The following KCNQ3 variants were observed in gnomAD, a reference collection of about 807,000 sequenced individuals.
KCNQ3 encodes the protein potassium voltage-gated channel subfamily Q member 3, also known as potassium voltage-gated channel subfamily KQT member 3.
A neutral mutation model predicts 92.5 loss-of-function variants in KCNQ3; 30 were observed. That is an observed-to-expected ratio of 0.32 (90% CI 0.24 to 0.44). The LOEUF (loss-of-function observed/expected upper bound fraction) is 0.44. Ranked by LOEUF, KCNQ3 falls within the 20% of genes least tolerant of loss-of-function variation. The pLI, the probability that KCNQ3 is intolerant of heterozygous loss-of-function variation, is 1.00. For synonymous variants in KCNQ3, 450 were observed against 468.8 expected (o/e 0.96, Z 0.52); for missense variants, 913 against 1,140.3 (o/e 0.80, Z 2.87).
At chr8:132,369,245 T>C (rs549909516) in intron 1 of KCNQ3, among the ~76,000 whole-genome samples, 2 of 152,340 alleles carry the variant, frequency 1.3e-5, no homozygotes, top group South Asian at 2.1e-4. Context: ...CTTAGGTTTC[T>C]GTATATGAAG....
intron 1 of KCNQ3, among the ~76,000 whole-genome samples, chr8:132,293,000 A>C (rs1006327193): frequency 6.6e-6 from 1 of 152,150 alleles, no homozygotes; most frequent in Non-Finnish European, 1.5e-5. Context: ...ATCATGCCTA[A>C]GTAATGAAGC....
At chr8:132,458,680 C>A (rs1277378296) in intron 1 of KCNQ3, among the ~76,000 whole-genome samples, 1 of 152,198 alleles carries the variant, frequency 6.6e-6, no homozygotes, top group African/African-American at 2.4e-5. Flanking sequence ...GTCTCGAACT[C>A]CTGATCTCAA....
At chr8:132,264,638 G>A (rs1815921610) in intron 1 of KCNQ3, among the ~76,000 whole-genome samples, 1 of 152,192 alleles carries the variant, frequency 6.6e-6, no homozygotes, top group Non-Finnish European at 1.5e-5. Flanking sequence ...AAATTCAGAT[G>A]CCATGCAGGT....
At chr8:132,268,804 CAA>C (rs1229103862) in intron 1 of KCNQ3, among the ~76,000 whole-genome samples, 1 of 152,196 alleles carries the variant, frequency 6.6e-6, no homozygotes, top group African/African-American at 2.4e-5. Flanking sequence ...AAGAAACTGT[CAA>C]ACTGTCTTCC....
chr8:132,377,652 T>C (rs1819646802), intron 1 of KCNQ3, among the ~76,000 whole-genome samples: 1 of 152,198 alleles, frequency 6.6e-6, no homozygotes, highest in Non-Finnish European at 1.5e-5. Flanking sequence ...TGTTTATGAC[T>C]CTCATCCATG....
chr8:132,328,297 A>T (rs1374301703), intron 1 of KCNQ3, among the ~76,000 whole-genome samples: 3 of 151,772 alleles, frequency 2.0e-5, no homozygotes, highest in Non-Finnish European at 4.4e-5. Context: ...GGACAACAAC[A>T]CCCCCAGTGT....
At chr8:132,466,248 TC>T (rs1181112972) in intron 1 of KCNQ3, among the ~76,000 whole-genome samples, 3 of 151,862 alleles carry the variant, frequency 2.0e-5, no homozygotes, top group Non-Finnish European at 4.4e-5. Context: ...CACTAGAGAA[TC>T]ATCACAACCC....
At chr8:132,274,887 C>T (rs1407841627) in intron 1 of KCNQ3, among the ~76,000 whole-genome samples, 1 of 152,064 alleles carries the variant, frequency 6.6e-6, no homozygotes, top group Non-Finnish European at 1.5e-5. Context: ...GCACAGGAGC[C>T]CTGAGGCCCA....
intron 1 of KCNQ3, among the ~76,000 whole-genome samples, chr8:132,252,348 C>T (rs1407681635): frequency 6.6e-6 from 1 of 152,102 alleles, no homozygotes; most frequent in South Asian, 2.1e-4. Flanking sequence ...AGGAGTGAAG[C>T]CGCAGACCTT....
chr8:132,202,618 G>A (rs1827496680), intron 1 of KCNQ3, among the ~76,000 whole-genome samples: 1 of 152,050 alleles, frequency 6.6e-6, no homozygotes, highest in Non-Finnish European at 1.5e-5. Flanking sequence ...AAAGTCCTAG[G>A]GCATGGACAC....
At chr8:132,141,813 A>G (rs1825305757) in intron 9 of KCNQ3, among the ~76,000 whole-genome samples, 1 of 152,206 alleles carries the variant, frequency 6.6e-6, no homozygotes, top group Non-Finnish European at 1.5e-5. Context: ...GGTGTCCACA[A>G]ACAGACCCTC....
chr8:132,313,759 G>T (rs770855679), intron 1 of KCNQ3, among the ~76,000 whole-genome samples: 4 of 152,124 alleles, frequency 2.6e-5, no homozygotes, highest in Non-Finnish European at 5.9e-5. Flanking sequence ...ATTAGAACCA[G>T]AAATAAGAGT....
chr8:132,467,606 A>C (rs534023850), intron 1 of KCNQ3, among the ~76,000 whole-genome samples: 31 of 152,320 alleles, frequency 2.0e-4, no homozygotes, highest in Non-Finnish European at 4.0e-4. Context: ...CTGATCCCTC[A>C]GCCCGACCTG....
intron 1 of KCNQ3, among the ~76,000 whole-genome samples, chr8:132,205,315 C>T (rs946596002): frequency 3.9e-5 from 6 of 152,236 alleles, no homozygotes; most frequent in African/African-American, 1.4e-4. Flanking sequence ...AATCCATAAA[C>T]CTCAAACCAA....
intron 1 of KCNQ3, among the ~76,000 whole-genome samples, chr8:132,351,834 C>T (rs766821968): frequency 1.2e-4 from 18 of 152,166 alleles, no homozygotes; most frequent in Non-Finnish European, 2.4e-4. Context: ...ACTTTGGGTT[C>T]CAACAGATGT....
intron 1 of KCNQ3, among the ~76,000 whole-genome samples, chr8:132,325,065 G>A (rs1818003787): frequency 6.6e-6 from 1 of 151,374 alleles, no homozygotes; most frequent in Non-Finnish European, 1.5e-5. Context: ...TTCTAGGATT[G>A]CCACACAACA....
chr8:132,276,897 G>A (rs181097949), intron 1 of KCNQ3, among the ~76,000 whole-genome samples: 13 of 152,198 alleles, frequency 8.5e-5, no homozygotes, highest in African/African-American at 3.1e-4. Context: ...AATGCTGTGA[G>A]GCCAAGATGT....
chr8:132,235,601 T>C (rs1814789125), intron 1 of KCNQ3, among the ~76,000 whole-genome samples: 1 of 152,144 alleles, frequency 6.6e-6, no homozygotes, highest in Non-Finnish European at 1.5e-5. Context: ...CATTACAGAA[T>C]TAATCCAGGA....
chr8:132,473,619 C>T (rs905773315), intron 1 of KCNQ3, among the ~76,000 whole-genome samples: 4 of 152,112 alleles, frequency 2.6e-5, no homozygotes, highest in African/African-American at 7.2e-5. Flanking sequence ...ATGCTTCTTC[C>T]ATGTAAAGTG....
Sources: gnomAD v4.1 joint callset for allele counts (sites outside exome capture counted in the v4.1 genomes callset) on GRCh38, gnomAD v4.1.1 for gene constraint, MANE v1.5 for transcripts, NCBI Gene and HGNC (gene_info 2026-07-23, HGNC 2026-07-21) for gene names.